DNAH7: variants seen among roughly 807,000 people sequenced by gnomAD.
The protein encoded by DNAH7 is axonemal beta dynein heavy chain 7.
In DNAH7, 397 loss-of-function variants were observed where a neutral mutation model predicts 444.6. The observed-to-expected ratio is 0.89, with a 90% CI of 0.82 to 0.97. DNAH7 has a LOEUF of 0.97. Among genes scored for constraint, DNAH7 ranks in the 50% least tolerant of loss-of-function variants. DNAH7 has a pLI of 0.00. For missense variants in DNAH7, 4,902 were observed against 4,800.8 expected, an observed-to-expected ratio of 1.02 and a Z score of -0.62; for synonymous variants, 1,636 against 1,624.4, an observed-to-expected ratio of 1.01 and a Z score of -0.17.
chr2:195,984,831 T>C (rs1005180694), intron 14 of DNAH7, 121 bp from the exon 15 acceptor site: 16 of 880,952 alleles, frequency 1.8e-5, no homozygotes, highest in Non-Finnish European at 2.6e-5. Flanking sequence ...CTTAGCTATA[T>C]GACATCTAAT....
chr2:196,007,985 GAA>G (rs1439265866), intron 10 of DNAH7, among the ~76,000 whole-genome samples: 4 of 151,958 alleles, frequency 2.6e-5, no homozygotes, highest in African/African-American at 9.7e-5. Flanking sequence ...ATCAATAGGA[GAA>G]ATATTTGCAA....
intron 8 of DNAH7, among the ~76,000 whole-genome samples, chr2:196,022,413 C>T (rs1695437897): frequency 6.6e-6 from 1 of 152,244 alleles, no homozygotes; most frequent in Non-Finnish European, 1.5e-5. Context: ...TCCTCTTGAA[C>T]TCTGATGCTG....
intron 8 of DNAH7, among the ~76,000 whole-genome samples, chr2:196,023,528 A>G (rs1695504698): frequency 1.3e-5 from 2 of 152,336 alleles, no homozygotes; most frequent in African/African-American, 4.8e-5. Flanking sequence ...TTTCTTCTGC[A>G]GCTTCCTTAC....
intron 59 of DNAH7, among the ~76,000 whole-genome samples, chr2:195,776,435 C>T (rs1695064778): frequency 6.6e-6 from 1 of 150,516 alleles, no homozygotes. Context: ...AAGAGTGAAA[C>T]TCCATCTCAA....
At position 195,864,409 on chromosome 2, in the gene DNAH7, G is replaced by C. The variant is rs1331605222; in HGVS notation, c.7246C>G (p.Leu2416Val). The C allele has an allele frequency of 6.2e-7, 1 of 1,614,142 alleles. No homozygotes were observed. Among genetic ancestry groups the C allele is most frequent in the Non-Finnish European group, 8.5e-7 (1 of 1,180,036 alleles). Residue 2416 changes from leucine (L) to valine (V), a missense_variant, in exon 41 of 65, where the codon CTA becomes GTA. Leu to Val is a conservative substitution (Grantham distance 32). Coordinates refer to ENST00000312428, the MANE Select transcript of DNAH7 (RefSeq NM_018897.3). ...AGATTTGGAATCTCCCCAGCATTTAGCAGATTACTGACATCTTCCAGAAAA... is the reference window on the plus strand; with the variant it reads ...AGATTTGGAATCTCCCCAGCATTTACCAGATTACTGACATCTTCCAGAAAA... ...ESFLEDVSNL[L>V]NAGEIPNLFA...
Position 195,908,022 on chromosome 2 carries a change from C to A in DNAH7, c.4105-1013G>T, listed in dbSNP as rs1687139438. On this transcript the variant is annotated intron_variant, in intron 25 of 64. Coordinates refer to ENST00000312428, the MANE Select transcript of DNAH7 (RefSeq NM_018897.3). Reference sequence around the variant, plus strand: ...TCTACCCCCATTATTCAGCTAAATGCCTACACAAAGAAGCTATTTACAAAT... The same window carrying A: ...TCTACCCCCATTATTCAGCTAAATGACTACACAAAGAAGCTATTTACAAAT... Among the ~76,000 whole-genome samples the A allele has an allele frequency of 2.0e-5, 3 of 151,628 alleles. No homozygotes were observed. In the South Asian group the frequency reaches 6.2e-4, roughly 31 times the overall value.
rs1693555465 is a variant in DNAH7 at position 195,748,314 on chromosome 2, C to T, written c.11764+6023G>A. ...GACCTCTTCAAGGAGAACTACAAAC[C>T]ACTGCTCAATGAAATAAAAGAGGAT... On this transcript the variant is annotated intron_variant, in intron 63 of 64. Transcript: ENST00000312428. Among the ~76,000 whole-genome samples, 5 of 152,110 alleles carry T rather than the reference C, an allele frequency of 3.3e-5. No homozygotes were observed. The South Asian group carries it at 1.0e-3, about 31-fold the overall frequency.
chr2:195,888,144 G>T (rs1357531264), intron 33 of DNAH7, 114 bp downstream of exon 33: 17 of 845,656 alleles, frequency 2.0e-5, no homozygotes, highest in Non-Finnish European at 2.8e-5. Context: ...TAATCAAAAA[G>T]GTTTTGATTT....
Position 195,794,341 on chromosome 2 carries a change from C to T in DNAH7, c.10713G>A (p.Lys3571=). ...ACAAGACTTAACCATTACTAACAGG[C>T]TTTTTGCAGCTGCCAAAGAACTCCG... ...SDPEFFGSCK[K]PEEFKKLLYG... Residue 3571 remains lysine, a synonymous_variant, in exon 57 of 65, where the codon AAG becomes AAA. Transcript: ENST00000312428. The T allele has an allele frequency of 6.2e-7, 1 of 1,614,068 alleles. No homozygotes were observed. Among genetic ancestry groups the T allele is most frequent in the Non-Finnish European group, 8.5e-7 (1 of 1,179,998 alleles).
At chr2:195,983,892 G>A (rs967112144) in intron 15 of DNAH7, among the ~76,000 whole-genome samples, 76 of 152,228 alleles carry the variant, frequency 5.0e-4, no homozygotes, top group African/African-American at 1.8e-3. Flanking sequence ...CAGGCTTCCC[G>A]GGACAGTCCT....
At chr2:195,934,941 A>G in intron 20 of DNAH7, 152 bp from the exon 21 acceptor site, 2 of 763,014 alleles carry the variant, frequency 2.6e-6, no homozygotes, top group South Asian at 3.8e-5. Flanking sequence ...CAAACAAAAA[A>G]CACAAGCTCT....
chr2:196,056,116 G>A (rs1462176014), intron 2 of DNAH7, among the ~76,000 whole-genome samples: 1 of 152,194 alleles, frequency 6.6e-6, no homozygotes, highest in Non-Finnish European at 1.5e-5. Flanking sequence ...CATGGCTGCA[G>A]TAAACAGTTC....
At position 195,875,729 on chromosome 2, in the gene DNAH7, A is replaced by T. The variant is rs768533162; in HGVS notation, c.6232T>A (p.Cys2078Ser). Residue 2078 changes from cysteine to serine, a missense_variant, in exon 38 of 65, where the codon TGT becomes AGT. Physicochemically the swap from Cys to Ser is moderately radical, Grantham distance 112. Transcript: ENST00000312428. ...DHWNWYDLKD[C>S]SMIKLVDIQI... ...ATGTCCACTAGTTTAATCATGGAACAATCTTTTAGATCATACCAGTTCCAG... is the reference window on the plus strand; with the variant it reads ...ATGTCCACTAGTTTAATCATGGAACTATCTTTTAGATCATACCAGTTCCAG... The T allele has an allele frequency of 2.5e-6, 4 of 1,611,772 alleles. No homozygotes were observed. Among genetic ancestry groups the T allele is most frequent in the South Asian group, 2.2e-5 (2 of 90,494 alleles).
intron 54 of DNAH7, among the ~76,000 whole-genome samples, chr2:195,803,843 A>G (rs980899869): frequency 1.2e-4 from 18 of 152,256 alleles, no homozygotes; most frequent in Non-Finnish European, 2.6e-4. Context: ...ATGGACTCAA[A>G]ACATTCCACA....
At position 195,934,753 on chromosome 2, in the gene DNAH7, G is replaced by A. The variant is rs772262302; in HGVS notation, c.3309C>T (p.Ile1103=). 23 of 1,614,030 alleles carry A rather than the reference G, an allele frequency of 1.4e-5. No homozygotes were observed. Among genetic ancestry groups the A allele is most frequent in the Middle Eastern group, 1.7e-4 (1 of 6,060 alleles). Residue 1103 remains isoleucine (I), a synonymous_variant, in exon 21 of 65, where the codon ATC becomes ATT. Coordinates refer to ENST00000312428, the MANE Select transcript of DNAH7 (RefSeq NM_018897.3). ...AAGTTTCCGTAAATTCTACCTTTGC[G>A]ATTCCTTCAAAACATTTCTTCAAGT... ...QPHLKKCFEG[I]AKVEFTETLD...
intron 62 of DNAH7, 87 bp from the exon 63 acceptor site, chr2:195,754,601 G>T (rs1693980714): frequency 1.4e-6 from 2 of 1,389,942 alleles, no homozygotes; most frequent in South Asian, 1.5e-5. Context: ...GGTTGCCCAG[G>T]CAGGGCTCAG....
intron 7 of DNAH7, among the ~76,000 whole-genome samples, chr2:196,025,926 C>T (rs1016972444): frequency 5.9e-5 from 9 of 152,100 alleles, no homozygotes; most frequent in African/African-American, 1.4e-4. Context: ...CAACTGGAGA[C>T]GCTTTTTTTA....
chr2:195,744,393 A>G (rs1014708535), intron 63 of DNAH7, among the ~76,000 whole-genome samples: 1 of 152,164 alleles, frequency 6.6e-6, no homozygotes, highest in Non-Finnish European at 1.5e-5. Flanking sequence ...ACCACAGCTC[A>G]AGGAGGCCTG....
intron 10 of DNAH7, among the ~76,000 whole-genome samples, chr2:196,011,724 A>C (rs1379132661): frequency 6.6e-6 from 1 of 152,224 alleles, no homozygotes; most frequent in Non-Finnish European, 1.5e-5. Flanking sequence ...ATCAGGAAGC[A>C]TCAAGAGATA....
Sources: gnomAD v4.1 joint callset for allele counts (sites outside exome capture counted in the v4.1 genomes callset) on GRCh38, gnomAD v4.1.1 for gene constraint, MANE v1.5 for transcripts, NCBI Gene and HGNC (gene_info 2026-07-23, HGNC 2026-07-21) for gene names.